SGCD: variants seen among roughly 807,000 people sequenced by gnomAD.
The protein encoded by SGCD is delta-sarcoglycan.
SGCD carries 18 observed loss-of-function variants against 36.6 expected under a neutral mutation model. That is an observed-to-expected ratio of 0.49 (90% confidence interval 0.34 to 0.73). The LOEUF (loss-of-function observed/expected upper bound fraction) is 0.73, where lower values mean the gene tolerates loss of function less well. Among genes scored for constraint, SGCD ranks in the 30% least tolerant of loss-of-function variants. The pLI is 0.01. For synonymous variants in SGCD, 133 were observed against 130.6 expected, an observed-to-expected ratio of 1.02 and a Z score of -0.12; for missense variants, 387 against 346.7, an observed-to-expected ratio of 1.12 and a Z score of -0.92.
At chr5:156,735,008 C>T (rs763430398) in intron 7 of SGCD, among the ~76,000 whole-genome samples, 1 of 152,092 alleles carries the variant, frequency 6.6e-6, no homozygotes, top group Non-Finnish European at 1.5e-5. Flanking sequence ...GGTTGCTGAC[C>T]TCTGGATGGT....
intron 2 of SGCD, among the ~76,000 whole-genome samples, chr5:156,335,848 T>A (rs1768326127): frequency 6.6e-6 from 1 of 152,178 alleles, no homozygotes; most frequent in Admixed American, 6.5e-5. Context: ...ACTCCCCAGC[T>A]TCTCACCCAC....
intron 6 of SGCD, among the ~76,000 whole-genome samples, chr5:156,640,584 A>G (rs1398117423): frequency 6.6e-6 from 1 of 152,198 alleles, no homozygotes; most frequent in East Asian, 1.9e-4. Flanking sequence ...TTTATAGACA[A>G]CAAATATTAC....
chr5:156,224,076 C>T (rs1342756540), intron 3 of SGCD, among the ~76,000 whole-genome samples: 1 of 151,872 alleles, frequency 6.6e-6, no homozygotes, highest in African/African-American at 2.4e-5. Flanking sequence ...TGCTCACTTA[C>T]TATAAAATGG....
chr5:155,846,142 A>C, the SGCD span, among the ~76,000 whole-genome samples: 1 of 152,202 alleles, frequency 6.6e-6, no homozygotes, highest in Non-Finnish European at 1.5e-5. Context: ...TCTGTTAAGA[A>C]TTTTATTGAT....
chr5:156,083,282 T>G (rs925007010), intron 1 of SGCD, among the ~76,000 whole-genome samples: 2 of 151,966 alleles, frequency 1.3e-5, no homozygotes, highest in Non-Finnish European at 2.9e-5. Context: ...GACATTAAAT[T>G]TATCATTTTT....
chr5:156,324,656 T>G (rs79208329), upstream of SGCD, among the ~76,000 whole-genome samples: 639 of 152,254 alleles, frequency 4.2e-3, 2 homozygotes, highest in African/African-American at 0.015. Context: ...CATATCAGCA[T>G]TGTTTGATTA....
intron 3 of SGCD, among the ~76,000 whole-genome samples, chr5:156,501,739 G>A (rs894112244): frequency 2.6e-5 from 4 of 152,272 alleles, no homozygotes; most frequent in African/African-American, 2.4e-5. Context: ...GTTGAGTACC[G>A]CACCCTGTAT....
Position 156,190,405 on chromosome 5 carries a change from T to G in SGCD, c.-44+66386T>G, listed in dbSNP as rs572198968. 3.3e-5 allele frequency among the ~76,000 whole-genome samples: 5 copies of G among 152,306 alleles called. No homozygotes were observed. The South Asian group carries it at 1.0e-3, about 32-fold the overall frequency. On this transcript the variant is annotated intron_variant, in intron 3 of 9. Transcript: ENST00000517913. ...GGAAGAAAGTCTATCAAACTGCTAA[T>G]AGTTGTTAACTTGTTTGGAAGGAAA...
the SGCD span, among the ~76,000 whole-genome samples, chr5:155,863,049 A>G: frequency 2.0e-5 from 3 of 152,338 alleles, no homozygotes; most frequent in African/African-American, 7.2e-5. Context: ...GCTTTGAAAG[A>G]AACAGAAAGA....
chr5:156,355,515 C>G (rs1769451401), intron 3 of SGCD, among the ~76,000 whole-genome samples: 1 of 152,162 alleles, frequency 6.6e-6, no homozygotes, highest in Non-Finnish European at 1.5e-5. Context: ...GCAAGGTGGA[C>G]TTTTGTTGGG....
intron 3 of SGCD, among the ~76,000 whole-genome samples, chr5:156,399,074 T>G (rs1772008498): frequency 6.6e-6 from 1 of 152,198 alleles, no homozygotes; most frequent in South Asian, 2.1e-4. Flanking sequence ...GATTTAAAAT[T>G]TATTGTTGTA....
the SGCD span, among the ~76,000 whole-genome samples, chr5:155,787,277 A>G: frequency 2.0e-5 from 3 of 152,174 alleles, no homozygotes; most frequent in Admixed American, 1.3e-4. Flanking sequence ...ATGGCAAGGG[A>G]CTATACAATT....
At chr5:156,677,275 T>C (rs566077611) in intron 7 of SGCD, among the ~76,000 whole-genome samples, 2 of 152,192 alleles carry the variant, frequency 1.3e-5, no homozygotes, top group Non-Finnish European at 2.9e-5. Flanking sequence ...CAAAGGTCCA[T>C]CAATGATAGA....
intron 4 of SGCD, among the ~76,000 whole-genome samples, chr5:156,551,669 C>T (rs1758804287): frequency 6.6e-6 from 1 of 152,100 alleles, no homozygotes; most frequent in African/African-American, 2.4e-5. Context: ...AGAAACCATG[C>T]ATGATCTTGG....
intron 3 of SGCD, among the ~76,000 whole-genome samples, chr5:156,285,177 T>C (rs1001567890): frequency 3.9e-5 from 6 of 152,064 alleles, no homozygotes; most frequent in African/African-American, 9.7e-5. Context: ...TAAAAGAGGA[T>C]ACAAACAAAT....
At chr5:156,641,391 C>A (rs1763020851) in intron 6 of SGCD, among the ~76,000 whole-genome samples, 1 of 152,104 alleles carries the variant, frequency 6.6e-6, no homozygotes, top group African/African-American at 2.4e-5. Flanking sequence ...ATGAAGATAC[C>A]TTTAGCTAAA....
intron 3 of SGCD, among the ~76,000 whole-genome samples, chr5:156,508,268 A>G (rs1029736377): frequency 3.9e-5 from 6 of 152,116 alleles, no homozygotes; most frequent in Admixed American, 6.5e-5. Context: ...CTGGAGAATT[A>G]TCCTTTTCTC....
At chr5:156,604,741 C>CATATATACACATTTTATATGTATATATAT in intron 6 of SGCD, among the ~76,000 whole-genome samples, 1 of 147,982 alleles carries the variant, frequency 6.8e-6, no homozygotes, top group African/African-American at 2.5e-5. Flanking sequence ...TGTATATATA[C>CATATATACACATTTTATATGTATATATAT]ATATATACAC....
At chr5:156,295,548 A>T (rs1483389380) in intron 3 of SGCD, among the ~76,000 whole-genome samples, 1 of 151,918 alleles carries the variant, frequency 6.6e-6, no homozygotes, top group African/African-American at 2.4e-5. Context: ...AAAACACTGT[A>T]TTTTCCTTCC....
Sources: allele counts gnomAD v4.1 joint callset (sites outside exome capture counted in the v4.1 genomes callset), GRCh38; gene constraint gnomAD v4.1.1; transcripts MANE v1.5; gene names NCBI Gene and HGNC (gene_info 2026-07-23, HGNC 2026-07-21).